The following REV3L variants were observed in gnomAD, a reference collection of about 807,000 sequenced individuals.
REV3L encodes the protein DNA polymerase zeta catalytic subunit.
A neutral mutation model predicts 299.4 loss-of-function variants in REV3L; 69 were observed. The observed-to-expected ratio is 0.23, with a 90% CI of 0.19 to 0.28. The LOEUF is 0.28. Among genes scored for constraint, REV3L ranks in the 10% least tolerant of loss-of-function variants. REV3L has a pLI of 1.00. For missense variants in REV3L, 3,128 were observed against 3,693.8 expected (o/e 0.85, Z 3.97); for synonymous variants, 1,238 against 1,271.4 (o/e 0.97, Z 0.56).
chr6:111,458,544 A>G (rs914566462), intron 1 of REV3L, among the ~76,000 whole-genome samples: 2 of 152,058 alleles, frequency 1.3e-5, no homozygotes, highest in African/African-American at 4.8e-5. Context: ...CGAAGACTCC[A>G]CCAAAAGGCT....
Position 111,335,463 on chromosome 6 carries a change from T to C in REV3L, c.7680+6A>G. On this transcript the variant is annotated splice_donor_region_variant and intron_variant, in intron 22 of 31. Transcript: ENST00000368802. ...TTTCAAGTCTGCAAGAAAACTGATT[T>C]CCCACCTGTGAACCCCTTGTCAGTA... The C allele has an allele frequency of 6.2e-7, 1 of 1,607,086 alleles. No homozygotes were observed. Among genetic ancestry groups the C allele is most frequent in the Middle Eastern group, 1.7e-4 (1 of 6,030 alleles).
Position 111,428,741 on chromosome 6 carries a change from A to C in REV3L, c.140-12269T>G, listed in dbSNP as rs146261730. Among the ~76,000 whole-genome samples the C allele has an allele frequency of 4.0e-4, 61 of 152,282 alleles. 1 individual carries two copies. The highest frequency in any genetic ancestry group is 2.6e-3 in the Admixed American group (40 of 15,296). On this transcript the variant is annotated intron_variant, in intron 1 of 31. Coordinates refer to ENST00000368802, the MANE Select transcript of REV3L (RefSeq NM_001372078.1). Reference sequence around the variant, plus strand: ...TTTAAGATACAGAAAATTACCTCTAAAGACAAAATCTAAGAAATTTATTGG... The same window carrying C: ...TTTAAGATACAGAAAATTACCTCTACAGACAAAATCTAAGAAATTTATTGG...
intron 31 of REV3L, among the ~76,000 whole-genome samples, chr6:111,305,810 A>C (rs1772220980): frequency 6.6e-6 from 1 of 152,062 alleles, no homozygotes; most frequent in Non-Finnish European, 1.5e-5. Context: ...ACTAGGATCC[A>C]GCAAGGGAAT....
chr6:111,352,027 G>A (rs1582641501), intron 18 of REV3L, among the ~76,000 whole-genome samples: 1 of 150,312 alleles, frequency 6.7e-6, no homozygotes, highest in East Asian at 1.9e-4. Context: ...TTTTTTTTGA[G>A]ATGGGGTCTC....
Position 111,367,536 on chromosome 6 carries a change from A to G in REV3L, c.6252T>C (p.Cys2084=), listed in dbSNP as rs1779348093. The change falls in exon 14 of 32, where the codon TGT becomes TGC. Residue 2084 remains cysteine (C), a synonymous_variant. Coordinates refer to ENST00000368802, the MANE Select transcript of REV3L (RefSeq NM_001372078.1). Reference sequence around the variant, plus strand: ...TCTGACTTTCACTTGCAGTTTGACTACATCCCGTGGTTGGTGCTTGTAAAG... The same window carrying G: ...TCTGACTTTCACTTGCAGTTTGACTGCATCCCGTGGTTGGTGCTTGTAAAG... ...QIALQAPTTG[C]SQTASESQML... is the part of the protein sequence containing the mutation. 6.2e-7 allele frequency: 1 copy of G among 1,612,926 alleles called. No individual in the cohort carries two copies. Among genetic ancestry groups the G allele is most frequent in the Non-Finnish European group, 8.5e-7 (1 of 1,178,970 alleles).
rs749058936 is a variant in REV3L at position 111,416,386 on chromosome 6, G to A, written c.226C>T (p.Leu76Phe). 1.2e-6 allele frequency: 2 copies of A among 1,613,906 alleles called. No homozygotes were observed. Among genetic ancestry groups the A allele is most frequent in the Middle Eastern group, 3.3e-4 (2 of 6,060 alleles). The change falls in exon 2 of 32, where the codon CTT becomes TTT. Residue 76 changes from leucine to phenylalanine, a missense_variant. Physicochemically the swap from Leu to Phe is conservative, Grantham distance 22. This residue lies in a region of REV3L where 2,409 missense variants were observed against 2,611.8 expected (regional missense o/e 0.92). Transcript: ENST00000368802. ...TCGATACTGAATGCCATCTGAGAAA[G>A]ATAGCTTTCTGGCTGCTGTCCATAA... Reference protein sequence around the residue: ...DGYGQQPESYLSQMAFSIDRA... With the variant: ...DGYGQQPESYFSQMAFSIDRA...
intron 5 of REV3L, chr6:111,392,660 T>C (rs1034238041): frequency 5.2e-6 from 2 of 383,192 alleles, no homozygotes; most frequent in Non-Finnish European, 9.5e-6. Context: ...TGTATTCCTT[T>C]TGTTAATTAG....
At chr6:111,386,753 GCT>G (rs1356401150) in intron 9 of REV3L, among the ~76,000 whole-genome samples, 1 of 82,928 alleles carries the variant, frequency 1.2e-5, no homozygotes, top group Non-Finnish European at 2.2e-5. Flanking sequence ...ATGGAGTTTT[GCT>G]CTGTTGCCCA....
chr6:111,412,333 C>T (rs1784333013), intron 2 of REV3L: 2 of 886,604 alleles, frequency 2.3e-6, no homozygotes, highest in Non-Finnish European at 2.7e-6. Flanking sequence ...GGCTATATAA[C>T]AGGAAGAGAA....
chr6:111,307,200 T>C (rs1772409064), intron 31 of REV3L, among the ~76,000 whole-genome samples, 161 bp downstream of exon 31: 2 of 152,194 alleles, frequency 1.3e-5, no homozygotes, highest in African/African-American at 4.8e-5. Context: ...CCATTATTAA[T>C]AGTTTATGAT....
chr6:111,445,367 CT>C (rs1397077998), intron 1 of REV3L, among the ~76,000 whole-genome samples: 2 of 151,922 alleles, frequency 1.3e-5, no homozygotes, highest in African/African-American at 4.8e-5. Flanking sequence ...ATATGTACCC[CT>C]GAATCCAAAA....
In REV3L at chr6:111,307,411, G is replaced by C; in HGVS notation, c.9202C>G (p.Leu3068Val). Residue 3068 changes from leucine (L) to valine (V), a missense_variant, in exon 31 of 32, where the codon CTC becomes GTC. Leu to Val is a conservative substitution (Grantham distance 32). Around this residue, in one of 9 missense-constraint regions of REV3L, gnomAD observed 294 missense variants for 377.0 expected, o/e 0.78. Transcript: ENST00000368802. ...RSQPQHVAVILNQEIRELERQ... is the reference protein window; with the variant it reads ...RSQPQHVAVIVNQEIRELERQ... ...TCCAACTCCCGGATTTCTTGGTTGA[G>C]GATGACTGCAACATGCTGAGGTTGG... 1 of 1,614,156 alleles carries C rather than the reference G, an allele frequency of 6.2e-7. No homozygotes were observed. The highest frequency in any genetic ancestry group is 8.5e-7 in the Non-Finnish European group (1 of 1,180,028).
intron 13 of REV3L, 46 bp downstream of exon 13, chr6:111,372,550 T>C (rs1355267170): frequency 1.5e-6 from 2 of 1,361,440 alleles, no homozygotes; most frequent in South Asian, 2.0e-5. Context: ...TAATTTTATA[T>C]ATCATAATAA....
chr6:111,446,140 A>G (rs1788803953), intron 1 of REV3L, among the ~76,000 whole-genome samples: 1 of 152,200 alleles, frequency 6.6e-6, no homozygotes, highest in Admixed American at 6.5e-5. Flanking sequence ...GTCTCATTTT[A>G]ACAATTGTGC....
At chr6:111,324,847 A>G (rs1307318070) in intron 25 of REV3L, among the ~76,000 whole-genome samples, 3 of 141,558 alleles carry the variant, frequency 2.1e-5, no homozygotes, top group Admixed American at 7.6e-5. Context: ...TTAGGCCATG[A>G]TTGGGGATGC....
At chr6:111,420,750 T>C (rs1345010995) in intron 1 of REV3L, among the ~76,000 whole-genome samples, 2 of 152,230 alleles carry the variant, frequency 1.3e-5, no homozygotes, top group East Asian at 1.9e-4. Flanking sequence ...CTACTTCCCA[T>C]TGTGTGTAAG....
intron 24 of REV3L, chr6:111,331,160 G>T (rs1582547813): frequency 2.9e-6 from 1 of 344,420 alleles, no homozygotes; most frequent in Non-Finnish European, 4.1e-6. Context: ...GTTTTCCTCT[G>T]TCTCTTTTGA....
intron 3 of REV3L, 96 bp downstream of exon 3, chr6:111,411,384 G>T: frequency 1.3e-6 from 1 of 767,924 alleles, no homozygotes; most frequent in Non-Finnish European, 2.1e-6. Flanking sequence ...TCTTTAATAA[G>T]ACTACAAACT....
At chr6:111,454,730 G>A (rs367611939) in intron 1 of REV3L, among the ~76,000 whole-genome samples, 2 of 152,200 alleles carry the variant, frequency 1.3e-5, no homozygotes, top group African/African-American at 2.4e-5. Context: ...GCAACGGCAC[G>A]ATCTCGGCTC....
Sources: allele counts gnomAD v4.1 joint callset (sites outside exome capture counted in the v4.1 genomes callset), GRCh38; gene constraint gnomAD v4.1.1; regional missense constraint gnomAD v4.1.1; transcripts MANE v1.5; gene names NCBI Gene and HGNC (gene_info 2026-07-23, HGNC 2026-07-21).